PCCA: variants seen among roughly 807,000 people sequenced by gnomAD.
PCCA encodes propionyl-CoA carboxylase subunit alpha.
PCCA carries 74 observed loss-of-function variants against 101.3 expected under a neutral mutation model. The observed-to-expected ratio is 0.73, with a 90% CI of 0.61 to 0.89. The LOEUF (loss-of-function observed/expected upper bound fraction) is 0.89, where lower values mean the gene tolerates loss of function less well. Ranked by LOEUF, PCCA falls within the 40% of genes least tolerant of loss-of-function variation. The pLI is 0.00. For synonymous variants in PCCA, 294 were observed against 313.6 expected (o/e 0.94, Z 0.66); for missense variants, 891 against 907.0 (o/e 0.98, Z 0.23).
chr13:100,215,934 C>T (rs1471692967), intron 7 of PCCA, among the ~76,000 whole-genome samples: 1 of 152,180 alleles, frequency 6.6e-6, no homozygotes, highest in Admixed American at 6.5e-5. Context: ...CCACTGTGCG[C>T]AGCCCTGCCG....
chr13:100,520,492 G>T (rs969793364), intron 22 of PCCA, among the ~76,000 whole-genome samples: 1 of 151,938 alleles, frequency 6.6e-6, no homozygotes, highest in African/African-American at 2.4e-5. Flanking sequence ...AAAATTAGCC[G>T]GGCGCAGTGG....
chr13:100,197,296 C>A (rs1211215151), intron 6 of PCCA, among the ~76,000 whole-genome samples: 1 of 152,126 alleles, frequency 6.6e-6, no homozygotes, highest in African/African-American at 2.4e-5. Context: ...CAGCCTTGAC[C>A]TCCTGGGCTC....
intron 4 of PCCA, among the ~76,000 whole-genome samples, chr13:100,128,497 A>G (rs1309409587): frequency 6.6e-6 from 1 of 152,188 alleles, no homozygotes; most frequent in Non-Finnish European, 1.5e-5. Context: ...AGAGAGAATC[A>G]TGGTTCCCTT....
At chr13:100,180,637 T>G (rs1219891383) in intron 6 of PCCA, among the ~76,000 whole-genome samples, 1 of 152,182 alleles carries the variant, frequency 6.6e-6, no homozygotes, top group Admixed American at 6.5e-5. Context: ...CTCTTCTGAT[T>G]TCTTTCTCCT....
chr13:100,330,154 C>T (rs968530783), intron 16 of PCCA, among the ~76,000 whole-genome samples: 3 of 152,072 alleles, frequency 2.0e-5, no homozygotes, highest in South Asian at 2.1e-4. Flanking sequence ...TCCAAGAGTT[C>T]GTCAAATCCC....
chr13:100,470,198 A>G (rs1196711858), intron 21 of PCCA, among the ~76,000 whole-genome samples: 1 of 152,204 alleles, frequency 6.6e-6, no homozygotes, highest in Non-Finnish European at 1.5e-5. Context: ...CAGCTGAACT[A>G]GACCCAGGTG....
intron 16 of PCCA, among the ~76,000 whole-genome samples, chr13:100,318,579 G>C (rs372146920): frequency 1.1e-4 from 16 of 150,480 alleles, no homozygotes; most frequent in African/African-American, 3.9e-4. Flanking sequence ...AGAACATGCG[G>C]TGTTTGGTTT....
intron 18 of PCCA, among the ~76,000 whole-genome samples, chr13:100,350,931 T>C (rs2073191967): frequency 6.6e-6 from 1 of 152,250 alleles, no homozygotes; most frequent in South Asian, 2.1e-4. Flanking sequence ...ACATTTTAAT[T>C]TCATATCATA....
intron 7 of PCCA, among the ~76,000 whole-genome samples, chr13:100,217,947 G>T (rs1462674412): frequency 1.3e-5 from 2 of 148,738 alleles, no homozygotes; most frequent in African/African-American, 5.0e-5. Flanking sequence ...GTGGTGGCAG[G>T]CCCTGTAATG....
intron 6 of PCCA, among the ~76,000 whole-genome samples, chr13:100,171,564 T>A (rs530955090): frequency 6.6e-6 from 1 of 152,254 alleles, no homozygotes; most frequent in Non-Finnish European, 1.5e-5. Context: ...TCTGAATTCC[T>A]GTTGCTTACC....
intron 16 of PCCA, among the ~76,000 whole-genome samples, chr13:100,316,965 G>A (rs901466361): frequency 2.6e-5 from 4 of 151,846 alleles, no homozygotes; most frequent in East Asian, 1.9e-4. Context: ...GTAGAGACGG[G>A]GTTTCACCAT....
intron 17 of PCCA, among the ~76,000 whole-genome samples, chr13:100,331,485 A>G (rs2069565120): frequency 6.6e-6 from 1 of 152,198 alleles, no homozygotes; most frequent in Admixed American, 6.5e-5. Context: ...GATTCAGGTC[A>G]AGTTGATGTC....
chr13:100,200,548 AT>A (rs1187050070), intron 6 of PCCA, among the ~76,000 whole-genome samples: 5 of 151,794 alleles, frequency 3.3e-5, no homozygotes, highest in East Asian at 3.9e-4. Flanking sequence ...AGGAAAAAAA[AT>A]ATACATATAT....
intron 19 of PCCA, among the ~76,000 whole-genome samples, chr13:100,406,425 C>T (rs1231990214): frequency 1.3e-5 from 2 of 152,178 alleles, no homozygotes; most frequent in Non-Finnish European, 2.9e-5. Flanking sequence ...TCAAAATTGG[C>T]CGGGTGCGGC....
At chr13:100,436,249 G>A (rs1405961409) in intron 20 of PCCA, among the ~76,000 whole-genome samples, 4 of 152,182 alleles carry the variant, frequency 2.6e-5, no homozygotes, top group Admixed American at 1.3e-4. Context: ...CCAACCAGAG[G>A]CTGAAGTGAA....
chr13:100,467,097 G>A (rs890077273), intron 21 of PCCA, among the ~76,000 whole-genome samples: 2 of 152,104 alleles, frequency 1.3e-5, no homozygotes, highest in East Asian at 1.9e-4. Context: ...GCAGTAACAC[G>A]GACAGGAAGT....
At chr13:100,443,816 G>C (rs999760148) in intron 20 of PCCA, among the ~76,000 whole-genome samples, 1 of 152,094 alleles carries the variant, frequency 6.6e-6, no homozygotes, top group Non-Finnish European at 1.5e-5. Context: ...AAGGTCCTAG[G>C]TCTGAATCAG....
At chr13:100,212,969 A>G (rs903727199) in intron 7 of PCCA, among the ~76,000 whole-genome samples, 2 of 152,030 alleles carry the variant, frequency 1.3e-5, no homozygotes, top group African/African-American at 4.8e-5. Context: ...GCTCCCACAG[A>G]TGAGTGAGAA....
intron 4 of PCCA, among the ~76,000 whole-genome samples, chr13:100,121,452 G>A (rs182082367): frequency 3.9e-4 from 57 of 145,756 alleles, no homozygotes; most frequent in East Asian, 1.9e-3. Context: ...GAGCCACTGC[G>A]TCTGGGCCTT....
Sources: gnomAD v4.1 joint callset for allele counts (sites outside exome capture counted in the v4.1 genomes callset) on GRCh38, gnomAD v4.1.1 for gene constraint, MANE v1.5 for transcripts, NCBI Gene and HGNC (gene_info 2026-07-23, HGNC 2026-07-21) for gene names.